NR3C2: variants seen among roughly 807,000 people sequenced by gnomAD.
The protein encoded by NR3C2 is mineralocorticoid receptor.
NR3C2 carries 15 observed loss-of-function variants against 86.4 expected under a neutral mutation model. The ratio of observed to expected loss-of-function variants is 0.17; its 90% CI spans 0.12 to 0.27. The LOEUF (loss-of-function observed/expected upper bound fraction) is 0.27. Ranked by LOEUF, NR3C2 falls within the 10% of genes least tolerant of loss-of-function variation. NR3C2 has a pLI of 1.00. For missense variants in NR3C2, 960 were observed against 1,195.6 expected (o/e 0.80, Z 2.91); for synonymous variants, 458 against 450.5 (o/e 1.02, Z -0.21).
intron 2 of NR3C2, among the ~76,000 whole-genome samples, chr4:148,411,632 C>T (rs1386434822): frequency 2.6e-5 from 4 of 152,170 alleles, no homozygotes; most frequent in Non-Finnish European, 5.9e-5. Flanking sequence ...TTTAATTCAA[C>T]ACAATGCTAT....
chr4:148,401,194 A>C (rs1258874405), intron 2 of NR3C2, among the ~76,000 whole-genome samples: 2 of 152,164 alleles, frequency 1.3e-5, no homozygotes, highest in Admixed American at 1.3e-4. Flanking sequence ...AGATGAGAAA[A>C]TACATCTCTC....
Position 148,145,028 on chromosome 4 carries a change from C to A in NR3C2, c.2510+7441G>T, listed in dbSNP as rs1208781180. On this transcript the variant is annotated intron_variant, in intron 6 of 8. Coordinates refer to ENST00000358102, the MANE Select transcript of NR3C2 (RefSeq NM_000901.5). ...AATGTCAGGCGACCCTCAGGTCAGG[C>A]AGTTGTTATACTGTTTCTCTAAAAT... 2.6e-5 allele frequency among the ~76,000 whole-genome samples: 4 copies of A among 152,162 alleles called. 1 individual carries two copies. The highest frequency in any genetic ancestry group is 5.9e-5 in the Non-Finnish European group (4 of 68,036).
intron 8 of NR3C2, among the ~76,000 whole-genome samples, chr4:148,088,752 A>G (rs957242687): frequency 1.2e-4 from 19 of 152,242 alleles, no homozygotes; most frequent in South Asian, 6.2e-4. Flanking sequence ...ATTAGGAGAA[A>G]TACCTAATGT....
At chr4:148,400,371 A>G (rs1360281630) in intron 2 of NR3C2, among the ~76,000 whole-genome samples, 1 of 151,724 alleles carries the variant, frequency 6.6e-6, no homozygotes, top group African/African-American at 2.4e-5. Flanking sequence ...AAAACCTAAC[A>G]AAGTCAGAAA....
At position 148,237,468 on chromosome 4, in the gene NR3C2, G is replaced by A. The variant is rs1317976654; in HGVS notation, c.1897+22510C>T. On this transcript the variant is annotated intron_variant, in intron 3 of 8. Coordinates refer to ENST00000358102, the MANE Select transcript of NR3C2 (RefSeq NM_000901.5). ...AATTAAAATTCTCAGCAGTACTTAC[G>A]TCTGTGAACGTTAAAACCAAAATCA... Among the ~76,000 whole-genome samples the A allele has an allele frequency of 3.9e-5, 6 of 152,080 alleles. 1 individual carries two copies. The highest frequency in any genetic ancestry group is 3.8e-4 in the East Asian group (2 of 5,202).
intron 2 of NR3C2, among the ~76,000 whole-genome samples, chr4:148,262,967 C>T (rs531388822): frequency 6.6e-6 from 1 of 152,300 alleles, no homozygotes; most frequent in South Asian, 2.1e-4. Context: ...GTCAACACCT[C>T]TTACCTGGGA....
chr4:148,320,449 T>C (rs994201954), intron 2 of NR3C2, among the ~76,000 whole-genome samples: 8 of 129,910 alleles, frequency 6.2e-5, no homozygotes, highest in African/African-American at 2.2e-4. Flanking sequence ...TCAGAAGGAA[T>C]GGTACCAGTT....
At chr4:148,372,706 C>T (rs1202653359) in intron 2 of NR3C2, among the ~76,000 whole-genome samples, 3 of 152,190 alleles carry the variant, frequency 2.0e-5, no homozygotes, top group East Asian at 1.9e-4. Flanking sequence ...GACATTAACA[C>T]TTGAAGTCAA....
Position 148,080,732 on chromosome 4 carries a change from C to G in NR3C2, c.*612G>C, listed in dbSNP as rs1185485372. On this transcript the variant is annotated 3_prime_UTR_variant, in exon 9 of 9. Coordinates refer to ENST00000358102, the MANE Select transcript of NR3C2 (RefSeq NM_000901.5). ...GGCATTTAACATCATCTTATCCATT[C>G]TAATTAAATAAGAAATGGACGCTAA... 8.9e-6 allele frequency: 3 copies of G among 337,816 alleles called. No homozygotes were observed. The East Asian group carries it at 2.3e-4, about 26-fold the overall frequency. The allele number at this position is 337,816 out of a possible 1,614,324, so 20.9% of individuals were successfully genotyped here. A position where few individuals can be genotyped will look rare whatever the true frequency, so the allele number is the denominator to read the frequency against.
chr4:148,332,257 TA>T (rs1461284797), intron 2 of NR3C2, among the ~76,000 whole-genome samples: 6 of 152,138 alleles, frequency 3.9e-5, no homozygotes, highest in Non-Finnish European at 1.5e-5. Context: ...TGGCAACAAA[TA>T]ACTGCAAATA....
At chr4:148,390,887 C>T (rs1401043404) in intron 2 of NR3C2, among the ~76,000 whole-genome samples, 2 of 152,110 alleles carry the variant, frequency 1.3e-5, no homozygotes, top group African/African-American at 2.4e-5. Context: ...TTATCTGGTA[C>T]ACCACAGTAA....
Position 148,154,719 on chromosome 4 carries a change from C to A in NR3C2, c.2197G>T (p.Ala733Ser), listed in dbSNP as rs1237964103. The change falls in exon 5 of 9, where the codon GCG (alanine) becomes TCG (serine). Residue 733 changes from alanine (A) to serine (S), a missense_variant. Around this residue, in one of 4 missense-constraint regions of NR3C2, gnomAD observed 82 missense variants for 73.0 expected, o/e 1.12. Coordinates refer to ENST00000358102, the MANE Select transcript of NR3C2 (RefSeq NM_000901.5). Reference protein sequence around the residue: ...LVPQLSTISRALTPSPVMVLE... With the variant: ...LVPQLSTISRSLTPSPVMVLE... ...ACCATAACGGGGGAAGGTGTGAGCG[C>A]TCGTGAGATTGTGGAGAGCTGAGGA... is the stretch of plus-strand genomic sequence containing the variant. 1.1e-5 allele frequency: 17 copies of A among 1,611,742 alleles called. No individual in the cohort carries two copies. The highest frequency in any genetic ancestry group is 1.4e-5 in the Non-Finnish European group (16 of 1,179,652).
At chr4:148,334,456 A>G in intron 2 of NR3C2, among the ~76,000 whole-genome samples, 1 of 152,130 alleles carries the variant, frequency 6.6e-6, no homozygotes, top group East Asian at 1.9e-4. Context: ...GGCAGGATAA[A>G]TGCTTGAACT....
chr4:148,254,645 G>A (rs1739739010), intron 3 of NR3C2, among the ~76,000 whole-genome samples: 1 of 152,176 alleles, frequency 6.6e-6, no homozygotes, highest in Non-Finnish European at 1.5e-5. Flanking sequence ...CTACTGGGTA[G>A]GTATTTATTT....
chr4:148,183,573 T>A (rs868755463), intron 4 of NR3C2, among the ~76,000 whole-genome samples: 3 of 152,322 alleles, frequency 2.0e-5, no homozygotes, highest in East Asian at 3.9e-4. Flanking sequence ...TGATGACCAG[T>A]GATGATGATT....
At chr4:148,439,092 T>C (rs901820777) in intron 1 of NR3C2, among the ~76,000 whole-genome samples, 2 of 152,168 alleles carry the variant, frequency 1.3e-5, no homozygotes, top group Non-Finnish European at 2.9e-5. Context: ...GAAAGCCAAG[T>C]AAAAGCTGAT....
At position 148,173,567 on chromosome 4, in the gene NR3C2, C is replaced by T. The variant is rs146177422; in HGVS notation, c.2015-18666G>A. On this transcript the variant is annotated intron_variant, in intron 4 of 8. Transcript: ENST00000358102. Reference sequence around the variant, plus strand: ...TAGAGCCTCCTCTAAGGAACACAGTCTGTTGACACATTGAGTTTAGCCCAG... The same window carrying T: ...TAGAGCCTCCTCTAAGGAACACAGTTTGTTGACACATTGAGTTTAGCCCAG... Among the ~76,000 whole-genome samples, 168 of 152,350 alleles carry T rather than the reference C, an allele frequency of 1.1e-3. 2 individuals carry two copies. Among genetic ancestry groups the T allele is most frequent in the Middle Eastern group, 6.8e-3 (2 of 294 alleles).
chr4:148,312,668 TG>T (rs1742961691), intron 2 of NR3C2, among the ~76,000 whole-genome samples: 1 of 152,180 alleles, frequency 6.6e-6, no homozygotes, highest in African/African-American at 2.4e-5. Flanking sequence ...TATATACAGT[TG>T]TATATGATAC....
intron 2 of NR3C2, among the ~76,000 whole-genome samples, chr4:148,340,564 C>T (rs78102216): frequency 0.036 from 5,463 of 152,202 alleles, 158 homozygotes; most frequent in Non-Finnish European, 0.053. Context: ...TGCTTCTGGA[C>T]ACTGGCCTAG....
Sources: gnomAD v4.1 joint callset for allele counts (sites outside exome capture counted in the v4.1 genomes callset) on GRCh38, gnomAD v4.1.1 for gene constraint, gnomAD v4.1.1 regional missense constraint, MANE v1.5 for transcripts, NCBI Gene and HGNC (gene_info 2026-07-23, HGNC 2026-07-21) for gene names.